RGS3: variants seen among roughly 807,000 people sequenced by gnomAD.
RGS3 encodes regulator of G-protein signalling 3.
A neutral mutation model predicts 132.6 loss-of-function variants in RGS3; 80 were observed. The ratio of observed to expected loss-of-function variants is 0.60; its 90% CI spans 0.50 to 0.73. The LOEUF is 0.73. Among genes scored for constraint, RGS3 ranks in the 30% least tolerant of loss-of-function variants. The pLI, the probability that RGS3 is intolerant of heterozygous loss-of-function variation, is 0.00. For synonymous variants in RGS3, 598 were observed against 620.6 expected, an observed-to-expected ratio of 0.96 and a Z score of 0.54; for missense variants, 1,382 against 1,530.8, an observed-to-expected ratio of 0.90 and a Z score of 1.62.
Position 113,490,948 on chromosome 9 carries a change from T to G in RGS3, c.690-4838T>G, listed in dbSNP as rs1173309764. Among the ~76,000 whole-genome samples the G allele has an allele frequency of 4.6e-5, 6 of 131,482 alleles. No individual in the cohort carries two copies. In the East Asian group the frequency reaches 1.3e-3, roughly 28 times the overall value. 86.3% of individuals were successfully genotyped at this position (131,482 alleles called of 152,430 possible). ...ATTATATATAACCTAATTATAATTA[T>G]ATATCGGTATATATAATTATATATA... is the stretch of plus-strand genomic sequence containing the variant. On this transcript the variant is annotated intron_variant, in intron 7 of 24. Transcript: ENST00000350696.
At chr9:113,496,330 C>A (rs1330402712) in intron 8 of RGS3, among the ~76,000 whole-genome samples, 2 of 152,112 alleles carry the variant, frequency 1.3e-5, no homozygotes, top group African/African-American at 4.8e-5. Context: ...TCTTTGGGAC[C>A]CAAGACTCCT....
At chr9:113,583,807 G>A (rs1834952673) in exon 20 of RGS3, 1 of 1,613,904 alleles carries the variant, frequency 6.2e-7, no homozygotes, top group Non-Finnish European at 8.5e-7. Context: ...ACTCACCAAA[G>A]ACCTCCCTGC....
At chr9:113,481,022 G>T (rs1405195638) in intron 4 of RGS3, among the ~76,000 whole-genome samples, 1 of 152,176 alleles carries the variant, frequency 6.6e-6, no homozygotes, top group Admixed American at 6.5e-5. Context: ...CTGTGCCTTT[G>T]CACCTGCTGT....
At chr9:113,477,015 C>T (rs1033440515) in intron 3 of RGS3, among the ~76,000 whole-genome samples, 1 of 152,144 alleles carries the variant, frequency 6.6e-6, no homozygotes, top group Admixed American at 6.5e-5. Flanking sequence ...CTGCGGGCTT[C>T]GTTTGCCTGT....
intron 7 of RGS3, among the ~76,000 whole-genome samples, chr9:113,494,957 C>T (rs1170890388): frequency 6.6e-6 from 1 of 152,062 alleles, no homozygotes; most frequent in African/African-American, 2.4e-5. Flanking sequence ...CTCACTGCAA[C>T]TCCACCTCCT....
chr9:113,585,405 C>T (rs1000899216), intron 20 of RGS3, among the ~76,000 whole-genome samples: 2 of 152,226 alleles, frequency 1.3e-5, no homozygotes, highest in African/African-American at 2.4e-5. Context: ...GCTTGAGAGG[C>T]GGCCCTCAGG....
chr9:113,562,811 T>A (rs1403201803), intron 19 of RGS3, among the ~76,000 whole-genome samples: 1 of 152,206 alleles, frequency 6.6e-6, no homozygotes, highest in Non-Finnish European at 1.5e-5. Context: ...GCCCTGCCAC[T>A]CAGTTGCTGT....
intron 19 of RGS3, among the ~76,000 whole-genome samples, chr9:113,557,232 A>G (rs932103611): frequency 6.6e-6 from 1 of 152,214 alleles, no homozygotes; most frequent in South Asian, 2.1e-4. Context: ...GCCTTGAGCA[A>G]TGTCACTGAG....
intron 15 of RGS3, among the ~76,000 whole-genome samples, chr9:113,516,398 C>T (rs1276869883): frequency 1.3e-5 from 2 of 150,956 alleles, no homozygotes; most frequent in African/African-American, 2.4e-5. Flanking sequence ...ACTCTTTTTG[C>T]CCAGGCCGGA....
chr9:113,464,387 A>T (rs1246551073), intron 3 of RGS3, among the ~76,000 whole-genome samples: 1 of 152,168 alleles, frequency 6.6e-6, no homozygotes, highest in Non-Finnish European at 1.5e-5. Context: ...TCCAAGAAAG[A>T]ACAATCCCTT....
chr9:113,497,848 G>A (rs1416930597), intron 9 of RGS3, among the ~76,000 whole-genome samples, 177 bp from the exon 8 acceptor site: 1 of 152,142 alleles, frequency 6.6e-6, no homozygotes, highest in Non-Finnish European at 1.5e-5. Flanking sequence ...CCCACATGCA[G>A]CCCTGGCTCC....
Position 113,519,314 on chromosome 9 carries a change from C to T in RGS3, c.1758+1690C>T, listed in dbSNP as rs139469600. On this transcript the variant is annotated intron_variant, in intron 16 of 24. Coordinates refer to ENST00000350696, the Ensembl canonical transcript of RGS3. Reference sequence around the variant, plus strand: ...ACAAGCTGAAGCCAGAGCCTTGTGACAGTTGCAATTCGTCCAGAAAACCCT... The same window carrying T: ...ACAAGCTGAAGCCAGAGCCTTGTGATAGTTGCAATTCGTCCAGAAAACCCT... Among the ~76,000 whole-genome samples, 8 of 152,240 alleles carry T rather than the reference C, an allele frequency of 5.3e-5. No individual in the cohort carries two copies. In the East Asian group the frequency reaches 1.5e-3, roughly 29 times the overall value.
At chr9:113,482,928 C>T in intron 4 of RGS3, 131 bp from the exon 3 acceptor site, 3 of 1,543,942 alleles carry the variant, frequency 1.9e-6, no homozygotes, top group Non-Finnish European at 2.6e-6. Context: ...AGCCCTGCTA[C>T]TCACAGATAC....
At position 113,565,267 on chromosome 9, in the gene RGS3, G is replaced by A. The variant is rs1360993903; in HGVS notation, c.2038-18183G>A. The A allele has an allele frequency of 1.6e-5, 20 of 1,289,206 alleles. No individual in the cohort carries two copies. In the East Asian group the frequency reaches 3.3e-4, roughly 21 times the overall value. The allele number at this position is 1,289,206 out of a possible 1,614,324, so 79.9% of individuals were successfully genotyped here. A position where few individuals can be genotyped will look rare whatever the true frequency, so the allele number is the denominator to read the frequency against. On this transcript the variant is annotated intron_variant, in intron 19 of 24. Transcript: ENST00000350696. The surrounding 1 kb of genome is among the most constrained non-coding windows in gnomAD (Gnocchi z 5.7). ...TTTGAGACATCCCGGACTCCATCTC[G>A]GATGAAAGTGCTTTGAGAAACCACA...
chr9:113,583,716 G>A, exon 20 of RGS3: 3 of 1,613,928 alleles, frequency 1.9e-6, no homozygotes, highest in Non-Finnish European at 1.7e-6. Context: ...CACCATGCCA[G>A]GAACCCCCTC....
At chr9:113,516,606 G>A (rs1236932709) in intron 15 of RGS3, among the ~76,000 whole-genome samples, 3 of 152,040 alleles carry the variant, frequency 2.0e-5, no homozygotes, top group Non-Finnish European at 2.9e-5. Context: ...TGATCCACCC[G>A]CCTCGGCCTT....
chr9:113,472,397 A>G (rs1352669294), intron 3 of RGS3, among the ~76,000 whole-genome samples: 1 of 152,246 alleles, frequency 6.6e-6, no homozygotes, highest in African/African-American at 2.4e-5. Context: ...TGAGTGGATA[A>G]ACAAAATGTG....
Position 113,508,514 on chromosome 9 carries a change from G to C in RGS3, c.1438-27G>C, listed in dbSNP as rs781397856. 5 of 1,612,394 alleles carry C rather than the reference G, an allele frequency of 3.1e-6. No individual in the cohort carries two copies. In the Admixed American group the frequency reaches 8.3e-5, roughly 27 times the overall value. On this transcript the variant is annotated intron_variant, in intron 13 of 24. Transcript: ENST00000350696. ...TGTCCTGCCCTGTTCCTGGGGCTGA[G>C]GTGGTTTTCCTGTCTTTCCCTTGCA...
At chr9:113,542,744 G>T (rs1184105742) in intron 19 of RGS3, among the ~76,000 whole-genome samples, 1 of 152,226 alleles carries the variant, frequency 6.6e-6, no homozygotes, top group Non-Finnish European at 1.5e-5. Flanking sequence ...TGCTCAGCCT[G>T]GCCCAGGTGG....
Sources: gnomAD v4.1 joint callset for allele counts (sites outside exome capture counted in the v4.1 genomes callset) on GRCh38, gnomAD v4.1.1 for gene constraint, Gnocchi (gnomAD v3.1) non-coding constraint, MANE v1.5 for transcripts, NCBI Gene and HGNC (gene_info 2026-07-23, HGNC 2026-07-21) for gene names.